WDR49: variants seen among roughly 807,000 people sequenced by gnomAD.
The protein encoded by WDR49 is cilia- and flagella-associated protein 337.
In WDR49, 107 loss-of-function variants were observed where a neutral mutation model predicts 119.5. The observed-to-expected ratio is 0.90, with a 90% CI of 0.77 to 1.05. The LOEUF (loss-of-function observed/expected upper bound fraction) is 1.05. Ranked by LOEUF, WDR49 falls within the 50% of genes least tolerant of loss-of-function variation. WDR49 has a pLI of 0.00. For missense variants in WDR49, 1,240 were observed against 1,220.5 expected, an observed-to-expected ratio of 1.02 and a Z score of -0.24; for synonymous variants, 425 against 418.8, an observed-to-expected ratio of 1.01 and a Z score of -0.18.
chr3:167,494,165 T>A (rs79928518), intron 18 of WDR49, among the ~76,000 whole-genome samples: 3,414 of 152,262 alleles, frequency 0.022, 60 homozygotes, highest in Middle Eastern at 0.037. Context: ...TTATCCCAAT[T>A]TTACAGATGA....
intron 18 of WDR49, among the ~76,000 whole-genome samples, chr3:167,489,462 A>G (rs1238985748): frequency 6.6e-6 from 1 of 152,042 alleles, no homozygotes; most frequent in Non-Finnish European, 1.5e-5. Context: ...ACTTACATTC[A>G]CTATTCCCTA....
chr3:167,480,657 A>T (rs959210874), intron 18 of WDR49, among the ~76,000 whole-genome samples: 1 of 152,230 alleles, frequency 6.6e-6, no homozygotes, highest in African/African-American at 2.4e-5. Context: ...AGCAAAACTC[A>T]AAGAGAGATG....
intron 16 of WDR49, among the ~76,000 whole-genome samples, chr3:167,514,008 A>G (rs1560260833): frequency 6.6e-6 from 1 of 152,216 alleles, no homozygotes; most frequent in Non-Finnish European, 1.5e-5. Context: ...ACACAATCAT[A>G]GTGGGAAACT....
intron 8 of WDR49, among the ~76,000 whole-genome samples, chr3:167,570,267 T>C (rs1001199683): frequency 6.6e-6 from 1 of 152,220 alleles, no homozygotes; most frequent in Non-Finnish European, 1.5e-5. Flanking sequence ...AAAGGTAGAC[T>C]GTCTTGTACG....
chr3:167,582,771 A>G (rs1248648418), intron 7 of WDR49, among the ~76,000 whole-genome samples: 2 of 152,122 alleles, frequency 1.3e-5, no homozygotes, highest in African/African-American at 4.8e-5. Context: ...ACATGGTGAA[A>G]TCACATCTCT....
At chr3:167,604,176 T>C (rs1715919106) in intron 6 of WDR49, 125 bp downstream of exon 6, 11 of 1,092,392 alleles carry the variant, frequency 1.0e-5, no homozygotes, top group Admixed American at 2.7e-5. Context: ...GGCAGTAAAA[T>C]GTGAGCTTCT....
At chr3:167,629,228 G>A (rs540306827) in intron 2 of WDR49, among the ~76,000 whole-genome samples, 2 of 152,156 alleles carry the variant, frequency 1.3e-5, no homozygotes, top group African/African-American at 4.8e-5. Flanking sequence ...CTCCAGCCTG[G>A]GCAACAGAGC....
chr3:167,599,422 A>C (rs961836925), intron 7 of WDR49, among the ~76,000 whole-genome samples: 1 of 152,038 alleles, frequency 6.6e-6, no homozygotes, highest in Non-Finnish European at 1.5e-5. Context: ...CTTAAGGATT[A>C]AGGCTCTTCA....
rs528695043 is a variant in WDR49 at position 167,602,717 on chromosome 3, T to C, written c.1127-442A>G. On this transcript the variant is annotated intron_variant, in intron 6 of 18. Coordinates refer to ENST00000682715, the MANE Select transcript of WDR49 (RefSeq NM_001366157.1). ...AAGTTCATAAATTAATTAAAAACTATAAAAAGACAAATTATCAAGTAATCA... is the reference window on the plus strand; with the variant it reads ...AAGTTCATAAATTAATTAAAAACTACAAAAAGACAAATTATCAAGTAATCA... 5.9e-5 allele frequency among the ~76,000 whole-genome samples: 9 copies of C among 152,220 alleles called. No individual in the cohort carries two copies. The South Asian group carries it at 1.9e-3, about 32-fold the overall frequency.
At chr3:167,592,119 G>T (rs886950887) in intron 7 of WDR49, among the ~76,000 whole-genome samples, 3 of 151,866 alleles carry the variant, frequency 2.0e-5, no homozygotes, top group Non-Finnish European at 4.4e-5. Context: ...CTTATAATCC[G>T]TTATTTTAAA....
At chr3:167,611,158 T>C (rs1716318684) in intron 5 of WDR49, among the ~76,000 whole-genome samples, 1 of 152,080 alleles carries the variant, frequency 6.6e-6, no homozygotes, top group Non-Finnish European at 1.5e-5. Context: ...ATCAGTACAA[T>C]AAGATATAAA....
chr3:167,522,247 T>G, intron 16 of WDR49, 68 bp downstream of exon 16: 1 of 1,437,258 alleles, frequency 7.0e-7, no homozygotes, highest in Non-Finnish European at 9.2e-7. Context: ...CAAGGAAATT[T>G]GGACCAATCT....
At chr3:167,589,256 G>A (rs1047027996) in intron 7 of WDR49, among the ~76,000 whole-genome samples, 20 of 152,078 alleles carry the variant, frequency 1.3e-4, no homozygotes, top group African/African-American at 4.3e-4. Flanking sequence ...TAGATGTATG[G>A]ATTTATTTCT....
rs1577266085 is a variant in WDR49 at position 167,598,299 on chromosome 3, C to T, written c.1275+3828G>A. Among the ~76,000 whole-genome samples, 3 of 148,540 alleles carry T rather than the reference C, an allele frequency of 2.0e-5. No individual in the cohort carries two copies. In the East Asian group the frequency reaches 6.1e-4, roughly 30 times the overall value. ...CAGCGTGGGTGACAGAGCAAGACTC[C>T]ATCTCAAAAAAAAAAAGAAGAAAAG... On this transcript the variant is annotated intron_variant, in intron 7 of 18. Coordinates refer to ENST00000682715, the MANE Select transcript of WDR49 (RefSeq NM_001366157.1).
chr3:167,534,544 G>A (rs1017051724), intron 11 of WDR49, among the ~76,000 whole-genome samples: 1 of 152,124 alleles, frequency 6.6e-6, no homozygotes, highest in Non-Finnish European at 1.5e-5. Flanking sequence ...CATTAGTCCT[G>A]AAAACAGGGG....
chr3:167,635,965 A>C (rs190356175), intron 2 of WDR49, among the ~76,000 whole-genome samples: 19 of 151,318 alleles, frequency 1.3e-4, no homozygotes, highest in Non-Finnish European at 1.9e-4. Context: ...AATTAAAAAA[A>C]TTTTTTTTTA....
intron 16 of WDR49, among the ~76,000 whole-genome samples, chr3:167,505,936 C>T (rs1469499677): frequency 6.6e-6 from 1 of 152,118 alleles, no homozygotes; most frequent in Non-Finnish European, 1.5e-5. Context: ...ATCAATAAAA[C>T]ATGGGAAATA....
intron 10 of WDR49, among the ~76,000 whole-genome samples, chr3:167,544,675 T>C (rs1312428340): frequency 2.6e-5 from 4 of 151,946 alleles, no homozygotes; most frequent in African/African-American, 7.2e-5. Flanking sequence ...GCCTCTTAAC[T>C]TACACAAAAA....
chr3:167,576,261 A>G, intron 7 of WDR49, 110 bp from the exon 8 acceptor site: 1 of 834,666 alleles, frequency 1.2e-6, no homozygotes, highest in South Asian at 1.7e-5. Context: ...TGTTTCCTCC[A>G]CAGTGCTATA....
Sources: allele counts gnomAD v4.1 joint callset (sites outside exome capture counted in the v4.1 genomes callset), GRCh38; gene constraint gnomAD v4.1.1; transcripts MANE v1.5; gene names NCBI Gene and HGNC (gene_info 2026-07-23, HGNC 2026-07-21).